The following GNG7 variants were observed in gnomAD, a reference collection of about 807,000 sequenced individuals.
GNG7 encodes the protein G protein subunit gamma 7, also known as guanine nucleotide-binding protein G(I)/G(S)/G(O) subunit gamma-7.
In GNG7, 1 loss-of-function variant was observed where a neutral mutation model predicts 4.0. That is an observed-to-expected ratio of 0.25 (90% CI 0.09 to 1.18). The LOEUF is 1.18. Among genes scored for constraint, GNG7 ranks in the 50% most tolerant of loss-of-function variants. The pLI, the probability that GNG7 is intolerant of heterozygous loss-of-function variation, is 0.50. For missense variants in GNG7, 86 were observed against 91.9 expected (o/e 0.94, Z 0.26); for synonymous variants, 34 against 36.9 (o/e 0.92, Z 0.29).
chr19:2,537,009 T>C (rs1342143214), intron 3 of GNG7, among the ~76,000 whole-genome samples: 4 of 151,414 alleles, frequency 2.6e-5, no homozygotes, highest in Non-Finnish European at 4.4e-5. Flanking sequence ...TGCAGTGGTG[T>C]GATCTCTGCT....
At chr19:2,678,496 G>A (rs997378455) in intron 1 of GNG7, among the ~76,000 whole-genome samples, 1 of 152,206 alleles carries the variant, frequency 6.6e-6, no homozygotes, top group Non-Finnish European at 1.5e-5. Flanking sequence ...ACAGTGGGCA[G>A]GTGGGTCACA....
intron 2 of GNG7, among the ~76,000 whole-genome samples, chr19:2,556,342 C>T (rs1304881937): frequency 6.6e-6 from 1 of 152,334 alleles, no homozygotes; most frequent in African/African-American, 2.4e-5. Context: ...CTGCACCGGG[C>T]CCAACCCAGG....
At chr19:2,645,428 G>A (rs1982639763) in intron 2 of GNG7, among the ~76,000 whole-genome samples, 1 of 151,726 alleles carries the variant, frequency 6.6e-6, no homozygotes, top group East Asian at 1.9e-4. Flanking sequence ...TAGTAGAGAT[G>A]GGGTTTCACC....
rs1267969222 is a variant in GNG7 at position 2,575,716 on chromosome 19, C to T, written c.-77-20528G>A. ...GCAGACACACGCAGACAGGCAGGCA[C>T]ACGCAGACACGCAGGCACACGCACA... On this transcript the variant is annotated intron_variant, in intron 2 of 4. Coordinates refer to ENST00000382159, the MANE Select transcript of GNG7 (RefSeq NM_052847.3). Among the ~76,000 whole-genome samples, 14 of 120,390 alleles carry T rather than the reference C, an allele frequency of 1.2e-4. 1 individual carries two copies. The highest frequency in any genetic ancestry group is 4.8e-4 in the African/African-American group (12 of 25,246). The allele number at this position is 120,390 out of a possible 152,430, so 79.0% of individuals were successfully genotyped here.
At chr19:2,627,031 AG>A (rs1361283513) in intron 2 of GNG7, among the ~76,000 whole-genome samples, 1 of 152,172 alleles carries the variant, frequency 6.6e-6, no homozygotes, top group Admixed American at 6.5e-5. Flanking sequence ...CGGGAGCCCC[AG>A]CTCCTGGGAC....
chr19:2,689,079 T>C (rs954413522), intron 1 of GNG7, among the ~76,000 whole-genome samples: 1 of 151,062 alleles, frequency 6.6e-6, no homozygotes, highest in Non-Finnish European at 1.5e-5. Flanking sequence ...AAAATGTAAA[T>C]GTAAATTTAA....
intron 2 of GNG7, among the ~76,000 whole-genome samples, chr19:2,608,566 A>C (rs1299111560): frequency 6.6e-6 from 1 of 152,212 alleles, no homozygotes; most frequent in Non-Finnish European, 1.5e-5. Context: ...CAGAGTCACG[A>C]GACCAGCAAC....
Position 2,702,164 on chromosome 19 carries a change from G to A in GNG7, c.-135+482C>T, listed in dbSNP as rs565013633. On this transcript the variant is annotated intron_variant, in intron 1 of 4. Coordinates refer to ENST00000382159, the MANE Select transcript of GNG7 (RefSeq NM_052847.3). ...CCTCCCCAGATAACTCAGACCTCCA[G>A]TCTCACCCCCAGCCCCCTCCTCAGC... Among the ~76,000 whole-genome samples, 131 of 75,306 alleles carry A rather than the reference G, an allele frequency of 1.7e-3. 1 individual carries two copies. Among genetic ancestry groups the A allele is most frequent in the African/African-American group, 6.3e-3 (120 of 19,030 alleles). 49.4% of individuals were successfully genotyped at this position (75,306 alleles called of 152,430 possible). A position where few individuals can be genotyped will look rare whatever the true frequency, so the allele number is the denominator to read the frequency against.
intron 3 of GNG7, among the ~76,000 whole-genome samples, chr19:2,523,951 C>T (rs553397437): frequency 2.0e-4 from 30 of 152,222 alleles, no homozygotes; most frequent in Non-Finnish European, 3.7e-4. Flanking sequence ...CCACGTGTGG[C>T]CGCTCAGAGG....
intron 2 of GNG7, among the ~76,000 whole-genome samples, chr19:2,558,298 G>A (rs1257657581): frequency 6.7e-6 from 1 of 149,826 alleles, no homozygotes; most frequent in East Asian, 2.0e-4. Context: ...GTGCAATGGC[G>A]TGATCACAGC....
Position 2,513,727 on chromosome 19 carries a change from C to T in GNG7, c.*1295G>A, listed in dbSNP as rs1297419842. The T allele has an allele frequency of 4.8e-6, 1 of 209,118 alleles. No homozygotes were observed. The highest frequency in any genetic ancestry group is 2.4e-5 in the African/African-American group (1 of 42,520). The allele number at this position is 209,118 out of a possible 1,614,324, so 13.0% of individuals were successfully genotyped here. A position where few individuals can be genotyped will look rare whatever the true frequency, so the allele number is the denominator to read the frequency against. ...CACCTCCCAGAGTCCTTCAGAGTCA[C>T]TCCAAGATCATGGAACAATTTTGTA... On this transcript the variant is annotated 3_prime_UTR_variant, in exon 5 of 5. Coordinates refer to ENST00000382159, the MANE Select transcript of GNG7 (RefSeq NM_052847.3).
At chr19:2,699,147 C>CT (rs371884402) in intron 1 of GNG7, among the ~76,000 whole-genome samples, 14,803 of 128,442 alleles carry the variant, frequency 0.12, 1,110 homozygotes, top group Middle Eastern at 0.16. Context: ...AAGGAGTAGC[C>CT]TTTTTTTTTT....
intron 2 of GNG7, among the ~76,000 whole-genome samples, chr19:2,589,370 AC>A: frequency 1.4e-5 from 1 of 73,152 alleles, no homozygotes; most frequent in Non-Finnish European, 2.6e-5. Flanking sequence ...CTACAGGTGC[AC>A]TTTTTTTTTT....
chr19:2,558,762 TC>T, intron 2 of GNG7, among the ~76,000 whole-genome samples: 1 of 151,524 alleles, frequency 6.6e-6, no homozygotes, highest in African/African-American at 2.4e-5. Flanking sequence ...TCTCTTTCTT[TC>T]TTTTTTCTTT....
intron 3 of GNG7, among the ~76,000 whole-genome samples, chr19:2,552,492 C>T (rs1044855172): frequency 6.6e-6 from 1 of 152,184 alleles, no homozygotes; most frequent in South Asian, 2.1e-4. Context: ...TCAAGCGATT[C>T]TCCTACCTCA....
chr19:2,575,545 GCACACGCAGA>G lies in GNG7; in HGVS notation c.-77-20367_-77-20358del, dbSNP rs373740712. ...CACGCAGGCACACGCAGACAGGCAG[GCACACGCAGA>G]CACACGCAGGCACACGCAGACACGC... On this transcript the variant is annotated intron_variant, in intron 2 of 4. Coordinates refer to ENST00000382159, the MANE Select transcript of GNG7 (RefSeq NM_052847.3). 2.7e-3 allele frequency among the ~76,000 whole-genome samples: 283 copies of G among 104,652 alleles called. 2 individuals are homozygous for G. Among genetic ancestry groups the G allele is most frequent in the Middle Eastern group, 6.6e-3 (1 of 152 alleles). The allele number at this position is 104,652 out of a possible 152,430, so 68.7% of individuals were successfully genotyped here.
intron 1 of GNG7, among the ~76,000 whole-genome samples, chr19:2,670,502 T>C (rs1261535505): frequency 6.6e-6 from 1 of 152,244 alleles, no homozygotes; most frequent in African/African-American, 2.4e-5. Context: ...CTTGCTGAGC[T>C]AGGACGGCCA....
Position 2,695,215 on chromosome 19 carries a change from C to A in GNG7, c.-135+7431G>T, listed in dbSNP as rs11880921. ...GGGCCAGTCTCCACCAATCCGTTCC[C>A]TGGCAAACTTGTATTCTACTCAAAG... is the stretch of plus-strand genomic sequence containing the variant. On this transcript the variant is annotated intron_variant, in intron 1 of 4. Transcript: ENST00000382159. Among the ~76,000 whole-genome samples, 1,113 of 152,106 alleles carry A rather than the reference C, an allele frequency of 7.3e-3. 17 individuals carry two copies. Among genetic ancestry groups the A allele is most frequent in the African/African-American group, 0.026 (1,071 of 41,436 alleles).
At chr19:2,600,920 G>A (rs1006318903) in intron 2 of GNG7, among the ~76,000 whole-genome samples, 1 of 152,122 alleles carries the variant, frequency 6.6e-6, no homozygotes, top group African/African-American at 2.4e-5. Flanking sequence ...ATCCAAGATG[G>A]TAATAAACCT....
Sources: allele counts gnomAD v4.1 joint callset (sites outside exome capture counted in the v4.1 genomes callset), GRCh38; gene constraint gnomAD v4.1.1; transcripts MANE v1.5; gene names NCBI Gene and HGNC (gene_info 2026-07-23, HGNC 2026-07-21).